The following DPYD variants were observed in gnomAD, a reference collection of about 807,000 sequenced individuals.
The protein encoded by DPYD is dihydropyrimidine dehydrogenase [NADP(+)].
A neutral mutation model predicts 116.2 loss-of-function variants in DPYD; 109 were observed. The ratio of observed to expected loss-of-function variants is 0.94; its 90% CI spans 0.80 to 1.10. DPYD has a LOEUF of 1.10. DPYD is among the 50% of genes least tolerant of loss of function. The pLI is 0.00. For synonymous variants in DPYD, 440 were observed against 432.0 expected (o/e 1.02, Z -0.23); for missense variants, 1,302 against 1,254.5 (o/e 1.04, Z -0.57).
chr1:97,407,761 A>C (rs1353322748), intron 14 of DPYD, among the ~76,000 whole-genome samples: 1 of 151,896 alleles, frequency 6.6e-6, no homozygotes, highest in Non-Finnish European at 1.5e-5. Flanking sequence ...ACTCACCATC[A>C]CCCTTAGTGA....
intron 19 of DPYD, among the ~76,000 whole-genome samples, chr1:97,233,196 C>T (rs1400329981): frequency 6.6e-6 from 1 of 152,076 alleles, no homozygotes; most frequent in Non-Finnish European, 1.5e-5. Context: ...TCCAGTAAGC[C>T]TGCACTGACA....
chr1:97,852,887 T>C (rs572626546), intron 2 of DPYD, among the ~76,000 whole-genome samples: 25 of 152,354 alleles, frequency 1.6e-4, no homozygotes, highest in African/African-American at 5.8e-4. Context: ...GAAGCTACTT[T>C]AGCAAGACTT....
chr1:97,659,129 T>C (rs1245600824), intron 8 of DPYD, among the ~76,000 whole-genome samples: 1 of 152,144 alleles, frequency 6.6e-6, no homozygotes, highest in Non-Finnish European at 1.5e-5. Context: ...TCTGGGAATC[T>C]CTCTATCACT....
In DPYD at chr1:97,527,028, G is replaced by A. The variant is rs188333306; in HGVS notation, c.1525-11087C>T. ...ATTAATAAGTGGTAGAGCAAGACCT[G>A]AATTGAAAGTTTACACAAACTACAT... On this transcript the variant is annotated intron_variant, in intron 12 of 22. Transcript: ENST00000370192. 1.4e-3 allele frequency among the ~76,000 whole-genome samples: 212 copies of A among 151,826 alleles called. 3 individuals carry two copies. Among genetic ancestry groups the A allele is most frequent in the South Asian group, 5.2e-3 (25 of 4,804 alleles).
intron 13 of DPYD, among the ~76,000 whole-genome samples, chr1:97,452,577 C>T (rs1676475973): frequency 6.6e-6 from 1 of 151,990 alleles, no homozygotes; most frequent in Non-Finnish European, 1.5e-5. Context: ...GAAATGTAAT[C>T]CTCTGTGTTG....
At chr1:97,768,634 A>C (rs1357596752) in intron 3 of DPYD, among the ~76,000 whole-genome samples, 2 of 152,210 alleles carry the variant, frequency 1.3e-5, no homozygotes, top group Admixed American at 1.3e-4. Context: ...GAATAATTCA[A>C]TTATAAAAGC....
chr1:97,770,450 A>C (rs1043791454), intron 3 of DPYD, among the ~76,000 whole-genome samples: 1 of 152,210 alleles, frequency 6.6e-6, no homozygotes, highest in Non-Finnish European at 1.5e-5. Flanking sequence ...ATGAGTACCA[A>C]GATTTTCCAA....
chr1:97,479,207 C>T (rs1301065637), intron 13 of DPYD, among the ~76,000 whole-genome samples: 1 of 152,170 alleles, frequency 6.6e-6, no homozygotes, highest in Non-Finnish European at 1.5e-5. Flanking sequence ...TGCAAGAGGC[C>T]TAGATTTCAG....
intron 20 of DPYD, among the ~76,000 whole-genome samples, chr1:97,156,544 A>G (rs1257860745): frequency 1.3e-5 from 2 of 152,214 alleles, no homozygotes; most frequent in African/African-American, 4.8e-5. Context: ...CATCGGAGAA[A>G]TGCAAATCAA....
chr1:97,549,827 AT>A, intron 11 of DPYD, 83 bp from the exon 12 acceptor site: 1 of 1,255,044 alleles, frequency 8.0e-7, no homozygotes, highest in Middle Eastern at 2.1e-4. Context: ...AAGAAAAATT[AT>A]GGTTTAATTA....
chr1:97,897,756 A>G (rs982080670), intron 1 of DPYD, among the ~76,000 whole-genome samples: 1 of 151,920 alleles, frequency 6.6e-6, no homozygotes, highest in African/African-American at 2.4e-5. Context: ...AACATATAGA[A>G]TACAGTTATA....
intron 13 of DPYD, among the ~76,000 whole-genome samples, chr1:97,502,826 C>T (rs1327057502): frequency 4.6e-5 from 7 of 151,900 alleles, no homozygotes; most frequent in African/African-American, 9.6e-5. Context: ...TTACATGTTA[C>T]GAATCATTTT....
intron 12 of DPYD, among the ~76,000 whole-genome samples, chr1:97,530,214 C>CT (rs57740723): frequency 0.016 from 1,793 of 112,646 alleles, 46 homozygotes; most frequent in Non-Finnish European, 0.022. Context: ...CTTTTTTTTT[C>CT]TTTTTTTTTT....
chr1:97,513,304 A>G (rs1006961526), intron 13 of DPYD, among the ~76,000 whole-genome samples: 3 of 151,766 alleles, frequency 2.0e-5, no homozygotes, highest in Non-Finnish European at 4.4e-5. Flanking sequence ...TCAGCTGTCA[A>G]TCCAGAAAAA....
intron 1 of DPYD, among the ~76,000 whole-genome samples, chr1:97,903,845 A>G (rs928381466): frequency 3.9e-5 from 6 of 151,988 alleles, no homozygotes; most frequent in African/African-American, 1.4e-4. Context: ...AACTGTCCAA[A>G]AATCTGACGG....
At chr1:97,707,991 G>A (rs988666453) in intron 5 of DPYD, among the ~76,000 whole-genome samples, 21 of 152,002 alleles carry the variant, frequency 1.4e-4, no homozygotes, top group Non-Finnish European at 1.5e-4. Flanking sequence ...CTGCAGAGTA[G>A]AAGTTTTAAT....
intron 8 of DPYD, among the ~76,000 whole-genome samples, chr1:97,633,241 T>G (rs1313236298): frequency 6.6e-6 from 1 of 152,012 alleles, no homozygotes; most frequent in African/African-American, 2.4e-5. Context: ...GGGTCAAATA[T>G]GAGATAAAGA....
At chr1:97,570,953 GC>G (rs907662053) in intron 11 of DPYD, among the ~76,000 whole-genome samples, 3 of 151,868 alleles carry the variant, frequency 2.0e-5, no homozygotes, top group African/African-American at 4.8e-5. Flanking sequence ...GAGGTCTTCT[GC>G]GAAATGGGGA....
chr1:97,901,281 T>G (rs1357440025), intron 1 of DPYD, among the ~76,000 whole-genome samples: 16 of 151,904 alleles, frequency 1.1e-4, no homozygotes, highest in Non-Finnish European at 4.4e-5. Context: ...TAGTTTCATT[T>G]TAATGTAGTA....
Sources: allele counts gnomAD v4.1 joint callset (sites outside exome capture counted in the v4.1 genomes callset), GRCh38; gene constraint gnomAD v4.1.1; transcripts MANE v1.5; gene names NCBI Gene and HGNC (gene_info 2026-07-23, HGNC 2026-07-21).